GATB: variants seen among roughly 807,000 people sequenced by gnomAD.
GATB encodes glutamyl-tRNA amidotransferase subunit B.
GATB carries 39 observed loss-of-function variants against 62.3 expected under a neutral mutation model. The ratio of observed to expected loss-of-function variants is 0.63; its 90% CI spans 0.48 to 0.82. The LOEUF is 0.82. Among genes scored for constraint, GATB ranks in the 40% least tolerant of loss-of-function variants. GATB has a pLI of 0.00. For synonymous variants in GATB, 276 were observed against 258.9 expected (o/e 1.07, Z -0.63); for missense variants, 670 against 684.0 (o/e 0.98, Z 0.23).
chr4:151,738,560 TA>T (rs1739424616), intron 2 of GATB, among the ~76,000 whole-genome samples: 1 of 152,182 alleles, frequency 6.6e-6, no homozygotes, highest in Non-Finnish European at 1.5e-5. Flanking sequence ...ATCAGCAGTG[TA>T]AAAATGACTA....
At chr4:151,748,145 T>C (rs1282191252) in intron 2 of GATB, among the ~76,000 whole-genome samples, 2 of 152,298 alleles carry the variant, frequency 1.3e-5, no homozygotes, top group African/African-American at 4.8e-5. Flanking sequence ...ACTTTCTTCA[T>C]AGAACTGGAA....
intron 8 of GATB, among the ~76,000 whole-genome samples, chr4:151,702,392 A>G (rs1246945165): frequency 6.6e-6 from 1 of 152,218 alleles, no homozygotes; most frequent in Non-Finnish European, 1.5e-5. Context: ...CAGGGCATGC[A>G]GTGGAACTTC....
chr4:151,696,304 T>A (rs1738468867), intron 9 of GATB, among the ~76,000 whole-genome samples: 1 of 152,190 alleles, frequency 6.6e-6, no homozygotes, highest in Non-Finnish European at 1.5e-5. Context: ...ATCTTAAAAA[T>A]CAATAGGAGT....
At chr4:151,754,957 G>A (rs112852483) in intron 2 of GATB, among the ~76,000 whole-genome samples, 17 of 152,276 alleles carry the variant, frequency 1.1e-4, no homozygotes, top group African/African-American at 3.4e-4. Flanking sequence ...CACTGGCAAC[G>A]TAACTGTGCA....
chr4:151,743,072 G>C (rs1739525444), intron 2 of GATB, among the ~76,000 whole-genome samples: 1 of 152,192 alleles, frequency 6.6e-6, no homozygotes, highest in South Asian at 2.1e-4. Context: ...ATATGTAAAA[G>C]AGTGAATATT....
At chr4:151,737,747 C>A (rs900292487) in intron 2 of GATB, among the ~76,000 whole-genome samples, 1 of 152,144 alleles carries the variant, frequency 6.6e-6, no homozygotes, top group Admixed American at 6.5e-5. Flanking sequence ...CCCAGCCACT[C>A]CAGCGTGACT....
intron 2 of GATB, among the ~76,000 whole-genome samples, chr4:151,757,424 T>TACCTCTGC (rs1164810533): frequency 1.3e-5 from 2 of 151,354 alleles, no homozygotes; most frequent in African/African-American, 4.9e-5. Context: ...GAGAAAAGTA[T>TACCTCTGC]ACCTCTGCAA....
At chr4:151,741,338 G>C (rs918318642) in intron 2 of GATB, among the ~76,000 whole-genome samples, 2 of 152,178 alleles carry the variant, frequency 1.3e-5, no homozygotes, top group African/African-American at 4.8e-5. Flanking sequence ...TTGTATTACA[G>C]ATTTTTGGTT....
intron 8 of GATB, 129 bp downstream of exon 8, chr4:151,703,722 T>C (rs1025365536): frequency 9.4e-6 from 7 of 741,586 alleles, no homozygotes; most frequent in Middle Eastern, 4.6e-4. Context: ...AGATGTCCCA[T>C]CATGTTACAA....
At chr4:151,712,990 C>T (rs1213845731) in intron 5 of GATB, among the ~76,000 whole-genome samples, 1 of 152,192 alleles carries the variant, frequency 6.6e-6, no homozygotes, top group Non-Finnish European at 1.5e-5. Context: ...ACAGCTGCTC[C>T]TTATCCCTTG....
intron 9 of GATB, among the ~76,000 whole-genome samples, chr4:151,689,201 G>C (rs1738313829): frequency 6.6e-6 from 1 of 152,086 alleles, no homozygotes; most frequent in Non-Finnish European, 1.5e-5. Flanking sequence ...AGAAAAGAGG[G>C]TAAAAAACAA....
chr4:151,734,880 T>C (rs1739339405), intron 2 of GATB, among the ~76,000 whole-genome samples: 1 of 152,206 alleles, frequency 6.6e-6, no homozygotes. Flanking sequence ...GTTAGCCACA[T>C]GTAGCAGAAT....
At chr4:151,685,356 G>C (rs1020194650) in intron 10 of GATB, among the ~76,000 whole-genome samples, 8 of 152,148 alleles carry the variant, frequency 5.3e-5, no homozygotes, top group African/African-American at 1.7e-4. Flanking sequence ...GCACCTGTGG[G>C]GTAGAACCGG....
intron 2 of GATB, among the ~76,000 whole-genome samples, chr4:151,736,399 T>C (rs1468622423): frequency 1.3e-5 from 2 of 152,228 alleles, no homozygotes; most frequent in Admixed American, 1.3e-4. Context: ...CAAAGCTGTA[T>C]GTGTGTCTTA....
chr4:151,724,777 G>A (rs1009810355), intron 2 of GATB, among the ~76,000 whole-genome samples: 3 of 152,032 alleles, frequency 2.0e-5, no homozygotes, highest in Non-Finnish European at 4.4e-5. Context: ...GGCACTTGGG[G>A]AACACACTGT....
In GATB at chr4:151,701,470, T is replaced by C. The variant is rs1213296076; in HGVS notation, c.1056A>G (p.Thr352=). The part of the protein sequence containing the change: ...NLPPLVLYDA[T]SLPAGADPQQ... ...GTGGGTCTGCACCTGCGGGCAGAGATGTGGCGTCGTAGAGCACCAGGGGAG... is the reference window on the plus strand; with the variant it reads ...GTGGGTCTGCACCTGCGGGCAGAGACGTGGCGTCGTAGAGCACCAGGGGAG... The change falls in exon 9 of 13, where the codon ACA becomes ACG. Residue 352 remains threonine (T), a synonymous_variant. Transcript: ENST00000263985. 1.1e-5 allele frequency: 17 copies of C among 1,594,602 alleles called. No individual in the cohort carries two copies. The Admixed American group carries it at 2.8e-4, about 26-fold the overall frequency.
At chr4:151,695,596 C>T (rs185522197) in intron 9 of GATB, among the ~76,000 whole-genome samples, 2 of 152,216 alleles carry the variant, frequency 1.3e-5, no homozygotes, top group East Asian at 1.9e-4. Context: ...CAGATCTTCC[C>T]GTCTACTGAC....
chr4:151,760,906 T>A lies in GATB; in HGVS notation c.77A>T (p.His26Leu). ...AFARVDGGSC[H>L]RRGAPTGSTS... The stretch of plus-strand genomic sequence containing the variant: ...GGACCCAGTCGGAGCCCCTCTTCGG[T>A]GGCAAGAACCACCGTCAACCCGGGC... The change falls in exon 1 of 13, where the codon CAC becomes CTC. Residue 26 changes from histidine to leucine, a missense_variant. By Grantham distance (99) the His-to-Leu change is moderately conservative. Coordinates refer to ENST00000263985, the MANE Select transcript of GATB (RefSeq NM_004564.3). The A allele has an allele frequency of 6.2e-7, 1 of 1,614,024 alleles. No individual in the cohort carries two copies. Among genetic ancestry groups the A allele is most frequent in the Non-Finnish European group, 8.5e-7 (1 of 1,179,948 alleles).
At chr4:151,708,902 A>C (rs928585408) in intron 5 of GATB, among the ~76,000 whole-genome samples, 1 of 152,186 alleles carries the variant, frequency 6.6e-6, no homozygotes. Flanking sequence ...TGAGGAAGAG[A>C]GAGAGAGAAA....
Sources: gnomAD v4.1 joint callset for allele counts (sites outside exome capture counted in the v4.1 genomes callset) on GRCh38, gnomAD v4.1.1 for gene constraint, MANE v1.5 for transcripts, NCBI Gene and HGNC (gene_info 2026-07-23, HGNC 2026-07-21) for gene names.